Variants in TNK2 observed in about 807,000 individuals in gnomAD.
The protein encoded by TNK2 is activated CDC42 kinase 1.
A neutral mutation model predicts 101.8 loss-of-function variants in TNK2; 83 were observed. The ratio of observed to expected loss-of-function variants is 0.82; its 90% CI spans 0.68 to 0.98. The LOEUF (loss-of-function observed/expected upper bound fraction) is 0.98. Ranked by LOEUF, TNK2 falls within the 50% of genes least tolerant of loss-of-function variation. The pLI, the probability that TNK2 is intolerant of heterozygous loss-of-function variation, is 0.00. For synonymous variants in TNK2, 804 were observed against 633.0 expected (o/e 1.27, Z -4.06); for missense variants, 1,665 against 1,483.2 (o/e 1.12, Z -2.01).
At chr3:195,906,345 T>G (rs1232257995) in intron 1 of TNK2, among the ~76,000 whole-genome samples, 3 of 152,060 alleles carry the variant, frequency 2.0e-5, no homozygotes, top group Non-Finnish European at 4.4e-5. Flanking sequence ...TAAATAAAAG[T>G]GTACATCCAC....
At chr3:195,890,914 G>A (rs1163931591) in intron 1 of TNK2, among the ~76,000 whole-genome samples, 1 of 152,056 alleles carries the variant, frequency 6.6e-6, no homozygotes, top group East Asian at 1.9e-4. Flanking sequence ...CTGCCTTCAC[G>A]GTGTTTCCAC....
chr3:195,867,835 C>T lies in TNK2; in HGVS notation c.2463G>A (p.Arg821=). The T allele has an allele frequency of 1.3e-6, 2 of 1,537,708 alleles. No homozygotes were observed. Among genetic ancestry groups the T allele is most frequent in the African/African-American group, 2.8e-5 (2 of 71,950 alleles). ...VPPGSSPLPP[R]LSSSPGKTMP... is the part of the protein sequence containing the mutation. Reference sequence around the variant, plus strand: ...TGGTCTTCCCAGGTGAGCTTGAGAGCCGGGGTGGCAGCGGGGAGCTGCCAG... The same window carrying T: ...TGGTCTTCCCAGGTGAGCTTGAGAGTCGGGGTGGCAGCGGGGAGCTGCCAG... The change falls in exon 13 of 16, where the codon CGG becomes CGA. Residue 821 remains arginine, a synonymous_variant. Transcript: ENST00000672887.
intron 1 of TNK2, among the ~76,000 whole-genome samples, chr3:195,902,955 GC>G (rs772768600): frequency 6.6e-6 from 1 of 151,912 alleles, no homozygotes; most frequent in Non-Finnish European, 1.5e-5. Flanking sequence ...TCACCATGTT[GC>G]CCAGGCTGGT....
chr3:195,888,082 G>C lies in TNK2; in HGVS notation c.163+344C>G, dbSNP rs59851848. Among the ~76,000 whole-genome samples the C allele has an allele frequency of 0.17, 26,077 of 151,936 alleles. 2,541 individuals carry two copies. The highest frequency in any genetic ancestry group is 0.28 in the Middle Eastern group (83 of 294). On this transcript the variant is annotated intron_variant, in intron 2 of 15. Coordinates refer to ENST00000672887, the MANE Select transcript of TNK2 (RefSeq NM_001382273.1). This position sits in a 1 kb window ranked among gnomAD's most constrained non-coding sequence, Gnocchi z 5.3. ...GTTAGCGTTCTCCCTACAGATCTCT[G>C]CACATGGACCCCCCGGTAGTCAGAA...
rs776298107 is a variant in TNK2 at position 195,872,335 on chromosome 3, G to A, written c.1392C>T (p.His464=). ...GGGGGTCACTGTCGCCATGCCCTGTGTGGATGAAGCTGTTCTGCAGGGGCT... is the reference window on the plus strand; with the variant it reads ...GGGGGTCACTGTCGCCATGCCCTGTATGGATGAAGCTGTTCTGCAGGGGCT... The part of the protein sequence containing the change: ...ISQPLQNSFI[H]TGHGDSDPRH... The change falls in exon 10 of 16, where the codon CAC becomes CAT. Residue 464 remains histidine (H), a synonymous_variant. Transcript: ENST00000672887. 1.3e-5 allele frequency: 21 copies of A among 1,613,350 alleles called. No homozygotes were observed. Among genetic ancestry groups the A allele is most frequent in the Non-Finnish European group, 1.8e-5 (21 of 1,179,946 alleles).
In TNK2 at chr3:195,867,445, G is replaced by A. The variant is rs1200782937; in HGVS notation, c.2853C>T (p.Pro951=). ...NNSNPGARPP[P]PRATARLPQR... ...GTGGCAGCCGAGCAGTGGCCCTCGG[G>A]GGTGGTGGCCGGGCCCCTGGGTTGC... Residue 951 remains proline (P), a synonymous_variant, in exon 13 of 16, where the codon CCC becomes CCT. Transcript: ENST00000672887. 5 of 1,595,586 alleles carry A rather than the reference G, an allele frequency of 3.1e-6. No individual in the cohort carries two copies. The highest frequency in any genetic ancestry group is 4.5e-5 in the East Asian group (2 of 44,688).
At chr3:195,906,843 G>C (rs1331021683) in intron 1 of TNK2, among the ~76,000 whole-genome samples, 2 of 152,252 alleles carry the variant, frequency 1.3e-5, no homozygotes, top group South Asian at 2.1e-4. Context: ...CCCGGGCTCA[G>C]GGGCCAGAGG....
intron 10 of TNK2, chr3:195,870,540 A>G (rs1165053516): frequency 1.8e-6 from 1 of 558,666 alleles, no homozygotes; most frequent in Non-Finnish European, 2.8e-6. Context: ...CCTGTCCCGC[A>G]GGCCACGATG....
rs1232802693 is a variant in TNK2 at position 195,872,051 on chromosome 3, CACTCCCCTGGAGAACAT to C, written c.1451+208_1451+224del. ...CCCTGGAGAACCCTCCCCTGGAGAA[CACTCCCCTGGAGAACAT>C]TCCCCTGGAGAACCCCCACCAGGCT... On this transcript the variant is annotated intron_variant, in intron 10 of 15. Transcript: ENST00000672887. Among the ~76,000 whole-genome samples, 48 of 143,558 alleles carry C rather than the reference CACTCCCCTGGAGAACAT, an allele frequency of 3.3e-4. 2 individuals carry two copies. The highest frequency in any genetic ancestry group is 1.3e-3 in the African/African-American group (46 of 35,956). 94.2% of individuals were successfully genotyped at this position (143,558 alleles called of 152,430 possible).
chr3:195,886,840 G>A lies in TNK2; in HGVS notation c.234+137C>T. On this transcript the variant is annotated intron_variant, in intron 3 of 15. Transcript: ENST00000672887. The surrounding 1 kb of genome is among the most constrained non-coding windows in gnomAD (Gnocchi z 4.2). ...CCCTGCCCGATAAGACCCTGGACGA[G>A]GGGGTCCTGTACAAAGTGCCGGCAG... 1.1e-6 allele frequency: 1 copy of A among 916,418 alleles called. No individual in the cohort carries two copies. The highest frequency in any genetic ancestry group is 1.8e-6 in the Non-Finnish European group (1 of 557,742). 56.8% of individuals were successfully genotyped at this position (916,418 alleles called of 1,614,324 possible). A position where few individuals can be genotyped will look rare whatever the true frequency, so the allele number is the denominator to read the frequency against.
chr3:195,882,468 C>T lies in TNK2; in HGVS notation c.610-140G>A, dbSNP rs1319031896. 6.5e-7 allele frequency: 1 copy of T among 1,547,072 alleles called. No homozygotes were observed. The highest frequency in any genetic ancestry group is 1.2e-5 in the South Asian group (1 of 83,536). ...ACCTTCCTGGCCTGCTGTCTGGGGA[C>T]CTCTAGGAGTCCTGCAGTTTCTCAG... On this transcript the variant is annotated intron_variant, in intron 5 of 15. Transcript: ENST00000672887. The surrounding 1 kb of genome is among the most constrained non-coding windows in gnomAD (Gnocchi z 4.2).
chr3:195,874,147 C>G (rs1747465066), intron 9 of TNK2, among the ~76,000 whole-genome samples: 1 of 152,212 alleles, frequency 6.6e-6, no homozygotes, highest in South Asian at 2.1e-4. Context: ...CTGCCGCGGG[C>G]CAGACGCCGG....
intron 12 of TNK2, 163 bp downstream of exon 12, chr3:195,869,319 CGGGGGGCGGGCTCGA>C (rs957708260): frequency 1.5e-6 from 1 of 685,124 alleles, no homozygotes; most frequent in African/African-American, 1.8e-5. Context: ...GCCCAGGCTC[CGGGGGGCGGGCTCGA>C]GGGGGGGCAG....
In TNK2 at chr3:195,888,657, G is replaced by A; in HGVS notation, c.-18-51C>T. On this transcript the variant is annotated intron_variant, in intron 1 of 15. Coordinates refer to ENST00000672887, the MANE Select transcript of TNK2 (RefSeq NM_001382273.1). This position sits in a 1 kb window ranked among gnomAD's most constrained non-coding sequence, Gnocchi z 5.3. ...ACAAGGGTTGTGGGGGGACAACAGGGGCCTGCCCGAGTGACCTGGGCTCAC... is the reference window on the plus strand; with the variant it reads ...ACAAGGGTTGTGGGGGGACAACAGGAGCCTGCCCGAGTGACCTGGGCTCAC... The A allele has an allele frequency of 2.0e-6, 3 of 1,530,626 alleles. No homozygotes were observed. Among genetic ancestry groups the A allele is most frequent in the South Asian group, 2.4e-5 (2 of 83,164 alleles). The allele number at this position is 1,530,626 out of a possible 1,614,324, so 94.8% of individuals were successfully genotyped here. A position where few individuals can be genotyped will look rare whatever the true frequency, so the allele number is the denominator to read the frequency against.
rs1349713834 is a variant in TNK2 at position 195,863,420 on chromosome 3, G to A, written c.*761C>T. On this transcript the variant is annotated 3_prime_UTR_variant, in exon 16 of 16. Coordinates refer to ENST00000672887, the MANE Select transcript of TNK2 (RefSeq NM_001382273.1). ...TGGAAGAAGCAGGTACTGAATGCCG[G>A]AGCAGCAACTTCGCCAACAGGCTGG... is the stretch of plus-strand genomic sequence containing the variant. The A allele has an allele frequency of 6.5e-6, 1 of 152,808 alleles. No homozygotes were observed. Among genetic ancestry groups the A allele is most frequent in the Non-Finnish European group, 1.5e-5 (1 of 68,096 alleles). 9.5% of individuals were successfully genotyped at this position (152,808 alleles called of 1,614,324 possible).
At chr3:195,872,247 G>A (rs771647019) in intron 10 of TNK2, 29 bp downstream of exon 10, 1 of 1,611,898 alleles carries the variant, frequency 6.2e-7, no homozygotes, top group Non-Finnish European at 8.5e-7. Context: ...GCGGGGCCAG[G>A]TCAGCATCCA....
At chr3:195,869,589 G>A (rs1232501260) in intron 11 of TNK2, 48 bp from the exon 12 acceptor site, 6 of 1,535,970 alleles carry the variant, frequency 3.9e-6, no homozygotes, top group Non-Finnish European at 5.3e-6. Context: ...GAGCAGGACA[G>A]AGGACAAAGG....
rs563449708 is a variant in TNK2, at chr3:195,892,054, G to A, written c.-18-3448C>T. The A allele has an allele frequency of 7.8e-6, 8 of 1,022,738 alleles. No homozygotes were observed. The South Asian group carries it at 1.6e-4, about 20-fold the overall frequency. The allele number at this position is 1,022,738 out of a possible 1,614,324, so 63.4% of individuals were successfully genotyped here. Reference sequence around the variant, plus strand: ...GTCTCAGTCCAGGGTGACTCCGCAGGGGTCCGCCTCCCCTCTAAGTCCCCC... The same window carrying A: ...GTCTCAGTCCAGGGTGACTCCGCAGAGGTCCGCCTCCCCTCTAAGTCCCCC... On this transcript the variant is annotated intron_variant, in intron 1 of 15. Coordinates refer to ENST00000672887, the MANE Select transcript of TNK2 (RefSeq NM_001382273.1).
chr3:195,892,538 C>T lies in TNK2; in HGVS notation c.-18-3932G>A, dbSNP rs773145474. ...GCAGTCACTGGGGATCCAGTGGCCT[C>T]GGCTCCGGAGCTTCGCACTCTGCCC... On this transcript the variant is annotated intron_variant, in intron 1 of 15. Transcript: ENST00000672887. 3.8e-5 allele frequency: 58 copies of T among 1,528,572 alleles called. 1 individual carries two copies. The highest frequency in any genetic ancestry group is 1.3e-4 in the South Asian group (11 of 83,084). 94.7% of individuals were successfully genotyped at this position (1,528,572 alleles called of 1,614,324 possible). A position where few individuals can be genotyped will look rare whatever the true frequency, so the allele number is the denominator to read the frequency against.
Sources: gnomAD v4.1 joint callset for allele counts (sites outside exome capture counted in the v4.1 genomes callset) on GRCh38, gnomAD v4.1.1 for gene constraint, Gnocchi (gnomAD v3.1) non-coding constraint, MANE v1.5 for transcripts, NCBI Gene and HGNC (gene_info 2026-07-23, HGNC 2026-07-21) for gene names.